Variants in XRCC4 observed in about 807,000 individuals in gnomAD.
XRCC4 encodes DNA repair protein XRCC4.
A neutral mutation model predicts 39.1 loss-of-function variants in XRCC4; 28 were observed. That is an observed-to-expected ratio of 0.72 (90% CI 0.53 to 0.98). The LOEUF (loss-of-function observed/expected upper bound fraction) is 0.98, where lower values mean the gene tolerates loss of function less well. Ranked by LOEUF, XRCC4 falls within the 50% of genes least tolerant of loss-of-function variation. The pLI is 0.00. For missense variants in XRCC4, 350 were observed against 376.4 expected (o/e 0.93, Z 0.58); for synonymous variants, 123 against 126.4 (o/e 0.97, Z 0.18).
chr5:83,163,409 G>A (rs1749313508), intron 3 of XRCC4, among the ~76,000 whole-genome samples: 1 of 152,158 alleles, frequency 6.6e-6, no homozygotes. Flanking sequence ...CGATTGATAT[G>A]TCTTTATTCA....
chr5:83,266,493 A>T (rs1250366816), intron 7 of XRCC4, among the ~76,000 whole-genome samples: 1 of 151,880 alleles, frequency 6.6e-6, no homozygotes, highest in African/African-American at 2.4e-5. Context: ...CAGCAAATGG[A>T]AGAAAGAAAT....
chr5:83,257,220 G>GA (rs1393174153), intron 6 of XRCC4, among the ~76,000 whole-genome samples: 2 of 151,244 alleles, frequency 1.3e-5, no homozygotes, highest in African/African-American at 4.9e-5. Context: ...GCTTAAGGGA[G>GA]AAAAAATTAA....
chr5:83,301,086 G>A (rs1755268326), intron 7 of XRCC4, among the ~76,000 whole-genome samples: 2 of 152,126 alleles, frequency 1.3e-5, no homozygotes, highest in Admixed American at 6.5e-5. Context: ...AATCCTTTGG[G>A]TATATACCCA....
intron 7 of XRCC4, among the ~76,000 whole-genome samples, chr5:83,298,807 C>T (rs999535271): frequency 2.0e-5 from 3 of 151,966 alleles, no homozygotes; most frequent in African/African-American, 7.2e-5. Flanking sequence ...TGTCAGACAA[C>T]AAACAGGAGT....
chr5:83,293,511 T>G (rs3777028), intron 7 of XRCC4, among the ~76,000 whole-genome samples: 3,622 of 152,106 alleles, frequency 0.024, 105 homozygotes, highest in South Asian at 0.13. Flanking sequence ...CTTTTATAAT[T>G]TAACCCATCA....
chr5:83,212,811 C>T (rs1361256233), intron 6 of XRCC4, among the ~76,000 whole-genome samples: 1 of 151,414 alleles, frequency 6.6e-6, no homozygotes, highest in African/African-American at 2.4e-5. Context: ...CCTGTAATCC[C>T]AGTTAGTTGG....
chr5:83,253,263 C>A lies in XRCC4; in HGVS notation c.746-5267C>A, dbSNP rs191909164. Among the ~76,000 whole-genome samples the A allele has an allele frequency of 1.2e-4, 19 of 152,270 alleles. 1 individual carries two copies. The East Asian group carries it at 1.7e-3, about 14-fold the overall frequency. On this transcript the variant is annotated intron_variant, in intron 6 of 7. Coordinates refer to ENST00000396027, the MANE Select transcript of XRCC4 (RefSeq NM_003401.5). ...TGTGGTTACAAAGGCAGGTGAAGGT[C>A]ACATTGTAGAAGGATTTGAACGCAG...
chr5:83,238,824 T>C (rs1472678350), intron 6 of XRCC4, among the ~76,000 whole-genome samples: 1 of 152,046 alleles, frequency 6.6e-6, no homozygotes, highest in Non-Finnish European at 1.5e-5. Context: ...AATATAAAAG[T>C]TTTTAAGAAG....
chr5:83,096,507 T>G (rs1488180471), intron 1 of XRCC4, among the ~76,000 whole-genome samples: 1 of 152,102 alleles, frequency 6.6e-6, no homozygotes, highest in East Asian at 1.9e-4. Context: ...ATTTCTGTGT[T>G]TGAACCCAGG....
intron 1 of XRCC4, among the ~76,000 whole-genome samples, chr5:83,082,626 C>T (rs1486096897): frequency 1.3e-5 from 2 of 152,176 alleles, no homozygotes; most frequent in Admixed American, 1.3e-4. Context: ...CAATAGTCTA[C>T]ATCAGTCTTG....
chr5:83,364,222 A>T, the XRCC4 span, among the ~76,000 whole-genome samples: 31 of 152,178 alleles, frequency 2.0e-4, no homozygotes, highest in Admixed American at 3.3e-4. Context: ...AGCACTTTTT[A>T]AAAAAAATCA....
At chr5:83,365,888 G>C in the XRCC4 span, among the ~76,000 whole-genome samples, 1 of 152,140 alleles carries the variant, frequency 6.6e-6, no homozygotes, top group Admixed American at 6.6e-5. Context: ...TCTTCCCTTG[G>C]TTTTCAAAAT....
intron 3 of XRCC4, among the ~76,000 whole-genome samples, chr5:83,172,651 A>G (rs1413210895): frequency 6.6e-6 from 1 of 152,082 alleles, no homozygotes; most frequent in East Asian, 1.9e-4. Flanking sequence ...TCTTTATTCA[A>G]TATGTCACAA....
the XRCC4 span, among the ~76,000 whole-genome samples, chr5:83,371,339 G>T: frequency 3.3e-5 from 5 of 152,050 alleles, no homozygotes; most frequent in Non-Finnish European, 1.5e-5. Flanking sequence ...CTGCATATTT[G>T]TTTTTCTGAT....
intron 3 of XRCC4, among the ~76,000 whole-genome samples, chr5:83,186,047 T>A (rs1453559869): frequency 6.6e-6 from 1 of 152,164 alleles, no homozygotes; most frequent in Non-Finnish European, 1.5e-5. Context: ...GCATAGAGCT[T>A]ATGCTTGGGG....
intron 6 of XRCC4, among the ~76,000 whole-genome samples, chr5:83,231,953 T>C (rs1752511590): frequency 6.6e-6 from 1 of 152,068 alleles, no homozygotes; most frequent in African/African-American, 2.4e-5. Flanking sequence ...TATTGGACTT[T>C]ATAATGTGTA....
At chr5:83,168,209 A>T (rs1002867154) in intron 3 of XRCC4, among the ~76,000 whole-genome samples, 3 of 152,204 alleles carry the variant, frequency 2.0e-5, no homozygotes, top group African/African-American at 7.2e-5. Flanking sequence ...TAAAAATAAC[A>T]TACCAGACAA....
At chr5:83,256,146 C>T (rs1262630667) in intron 6 of XRCC4, among the ~76,000 whole-genome samples, 1 of 152,136 alleles carries the variant, frequency 6.6e-6, no homozygotes, top group Non-Finnish European at 1.5e-5. Context: ...ACAAAAGTAC[C>T]TGGAGTGGCC....
At position 83,341,918 on chromosome 5, in the gene XRCC4, C is replaced by T. The variant is rs144307707; in HGVS notation, c.894-11213C>T. Among the ~76,000 whole-genome samples, 1,137 of 152,232 alleles carry T rather than the reference C, an allele frequency of 7.5e-3. 14 individuals carry two copies. Among genetic ancestry groups the T allele is most frequent in the African/African-American group, 0.025 (1,054 of 41,554 alleles). ...TGTTCCAAGTCAAATAAAGCAGAGT[C>T]CCCCCAACTGGAGAGGCTTCTAGGC... On this transcript the variant is annotated intron_variant, in intron 7 of 7. Transcript: ENST00000396027.
Sources: allele counts gnomAD v4.1 joint callset (sites outside exome capture counted in the v4.1 genomes callset), GRCh38; gene constraint gnomAD v4.1.1; transcripts MANE v1.5; gene names NCBI Gene and HGNC (gene_info 2026-07-23, HGNC 2026-07-21).